TBC1D12: variants seen among roughly 807,000 people sequenced by gnomAD.
The protein encoded by TBC1D12 is TBC1 domain family member 12.
TBC1D12 carries 56 observed loss-of-function variants against 86.7 expected under a neutral mutation model. The ratio of observed to expected loss-of-function variants is 0.65; its 90% CI spans 0.52 to 0.81. The LOEUF (loss-of-function observed/expected upper bound fraction) is 0.81, where lower values mean the gene tolerates loss of function less well. Ranked by LOEUF, TBC1D12 falls within the 30% of genes least tolerant of loss-of-function variation. The probability of loss-of-function intolerance (pLI) is 0.00; values close to 1 mark genes in which losing one functional copy is unlikely to be tolerated. For missense variants in TBC1D12, 1,023 were observed against 1,038.8 expected (o/e 0.98, Z 0.21); for synonymous variants, 421 against 411.7 (o/e 1.02, Z -0.27).
At chr10:94,513,863 T>C (rs1013760402) in intron 9 of TBC1D12, among the ~76,000 whole-genome samples, 4 of 152,128 alleles carry the variant, frequency 2.6e-5, no homozygotes, top group Admixed American at 6.6e-5. Context: ...CTGGCTGATA[T>C]TATGATTTTT....
chr10:94,515,338 T>TTTTTG (rs1392715282), intron 9 of TBC1D12, among the ~76,000 whole-genome samples: 1 of 151,776 alleles, frequency 6.6e-6, no homozygotes, highest in Non-Finnish European at 1.5e-5. Context: ...AGGTTTGGTT[T>TTTTTG]TTTTGTTTTG....
chr10:94,523,329 G>A (rs975558560), intron 11 of TBC1D12, among the ~76,000 whole-genome samples: 1 of 151,442 alleles, frequency 6.6e-6, no homozygotes, highest in Non-Finnish European at 1.5e-5. Context: ...GGTGTTTTAC[G>A]TGGATTATCT....
At chr10:94,517,344 C>G (rs1427353713) in intron 9 of TBC1D12, among the ~76,000 whole-genome samples, 2 of 152,180 alleles carry the variant, frequency 1.3e-5, no homozygotes, top group Non-Finnish European at 2.9e-5. Context: ...TGCCACTGCA[C>G]TCCAGCGTGG....
chr10:94,500,672 A>G (rs1309240906), intron 6 of TBC1D12, among the ~76,000 whole-genome samples: 1 of 152,200 alleles, frequency 6.6e-6, no homozygotes, highest in Non-Finnish European at 1.5e-5. Context: ...CTTCACTTTT[A>G]TACAGAAAAC....
At chr10:94,409,202 A>G (rs1742877815) in intron 1 of TBC1D12, among the ~76,000 whole-genome samples, 1 of 152,082 alleles carries the variant, frequency 6.6e-6, no homozygotes. Flanking sequence ...GAAATCCAGC[A>G]TTGGTTCAGG....
chr10:94,446,557 A>G (rs1360925356), intron 2 of TBC1D12, among the ~76,000 whole-genome samples: 1 of 147,150 alleles, frequency 6.8e-6, no homozygotes, highest in Non-Finnish European at 1.5e-5. Flanking sequence ...CATTTTTTGA[A>G]AAAAAATTTT....
At chr10:94,413,702 A>G (rs1356129723) in intron 1 of TBC1D12, among the ~76,000 whole-genome samples, 1 of 152,022 alleles carries the variant, frequency 6.6e-6, no homozygotes, top group East Asian at 1.9e-4. Context: ...TGAACTTGAT[A>G]AGGTGTTTAA....
intron 1 of TBC1D12, among the ~76,000 whole-genome samples, chr10:94,404,648 CAAAAAAA>C (rs11365857): frequency 8.0e-6 from 1 of 125,748 alleles, no homozygotes; most frequent in Admixed American, 8.3e-5. Context: ...CTCCGTCTTT[CAAAAAAA>C]AAAAAAAAGA....
At position 94,493,382 on chromosome 10, in the gene TBC1D12, C is replaced by G; in HGVS notation, c.1229C>G (p.Ser410Cys). 1.9e-6 allele frequency: 3 copies of G among 1,610,988 alleles called. No homozygotes were observed. Among genetic ancestry groups the G allele is most frequent in the Non-Finnish European group, 2.5e-6 (3 of 1,179,338 alleles). The change falls in exon 4 of 13, where the codon TCT (serine) becomes TGT (cysteine). Residue 410 changes from serine (S) to cysteine (C), a missense_variant. Ser to Cys is a moderately radical substitution (Grantham distance 112). Around this residue, in one of 2 missense-constraint regions of TBC1D12, gnomAD observed 395 missense variants for 507.7 expected, o/e 0.78. Transcript: ENST00000225235. ...TTTTCCAGAAATCTTCCTGCCAAAT[C>G]TGTGGAAGAAGCTTTACGTCACCGA... ...EDRPSNLPAKSVEEALRHRQE... is the reference protein window; with the variant it reads ...EDRPSNLPAKCVEEALRHRQE...
intron 2 of TBC1D12, among the ~76,000 whole-genome samples, chr10:94,469,836 A>G (rs376536364): frequency 3.3e-5 from 5 of 152,086 alleles, no homozygotes; most frequent in East Asian, 1.9e-4. Context: ...CTAACAGCCA[A>G]GCTTCCTTTG....
intron 1 of TBC1D12, among the ~76,000 whole-genome samples, chr10:94,438,795 T>C (rs1167903342): frequency 2.7e-5 from 4 of 147,604 alleles, no homozygotes. Flanking sequence ...TTACTCTTAG[T>C]TTTTTTTTTT....
chr10:94,402,720 C>A lies in TBC1D12; in HGVS notation c.107C>A (p.Thr36Lys). The A allele has an allele frequency of 1.9e-6, 3 of 1,576,110 alleles. No individual in the cohort carries two copies. The highest frequency in any genetic ancestry group is 1.4e-5 in the African/African-American group (1 of 73,990). Residue 36 changes from threonine to lysine, a missense_variant, in exon 1 of 13, where the codon ACG (threonine) becomes AAG (lysine). Thr to Lys is a moderately conservative substitution (Grantham distance 78, BLOSUM62 -1). This residue lies in a region of TBC1D12 where 628 missense variants were observed against 531.1 expected (regional missense o/e 1.18). Transcript: ENST00000225235. ...VGQDRKVIRA[T>K]GGFGGGVGAV... ...CAGGACAGGAAGGTAATCCGGGCCA[C>A]GGGCGGCTTTGGCGGAGGCGTCGGC...
intron 1 of TBC1D12, among the ~76,000 whole-genome samples, chr10:94,429,503 A>C (rs2055188044): frequency 6.6e-6 from 1 of 152,164 alleles, no homozygotes; most frequent in African/African-American, 2.4e-5. Flanking sequence ...AATCCAGAAT[A>C]CTCAAGGGTA....
At chr10:94,403,744 A>G (rs906441036) in intron 1 of TBC1D12, among the ~76,000 whole-genome samples, 160 bp downstream of exon 1, 4 of 152,190 alleles carry the variant, frequency 2.6e-5, no homozygotes, top group Non-Finnish European at 5.9e-5. Context: ...TTGATTTGTC[A>G]CTGGAGGAAG....
intron 2 of TBC1D12, 60 bp downstream of exon 2, chr10:94,442,079 CTTCTTTT>C: frequency 4.6e-6 from 6 of 1,317,260 alleles, no homozygotes; most frequent in Non-Finnish European, 6.0e-6. Context: ...TCTTCTTCTT[CTTCTTTT>C]TTTTTTTTTT....
chr10:94,533,995 T>C lies in TBC1D12; in HGVS notation c.*899T>C, dbSNP rs1842493069. On this transcript the variant is annotated 3_prime_UTR_variant, in exon 13 of 13. Transcript: ENST00000225235. ...CTACTTGGCAAGACTTCATATTTTT[T>C]AGTTACAATTCTTCCACTGTTTAAC... The C allele has an allele frequency of 6.6e-6, 1 of 152,220 alleles. No homozygotes were observed. The highest frequency in any genetic ancestry group is 2.1e-4 in the South Asian group (1 of 4,828). 9.4% of individuals were successfully genotyped at this position (152,220 alleles called of 1,614,324 possible). A position where few individuals can be genotyped will look rare whatever the true frequency, so the allele number is the denominator to read the frequency against.
chr10:94,500,367 A>G (rs1306071935), intron 6 of TBC1D12, 40 bp downstream of exon 6: 1 of 1,551,182 alleles, frequency 6.4e-7, no homozygotes, highest in East Asian at 2.3e-5. Context: ...ATGTACAAAT[A>G]GCCATCTACA....
intron 6 of TBC1D12, among the ~76,000 whole-genome samples, chr10:94,506,622 A>G (rs997128035): frequency 6.6e-6 from 1 of 152,178 alleles, no homozygotes; most frequent in Non-Finnish European, 1.5e-5. Flanking sequence ...GACCCTGCAT[A>G]TGGGAGTGCC....
At chr10:94,410,285 AG>A (rs1349776823) in intron 1 of TBC1D12, among the ~76,000 whole-genome samples, 1 of 152,256 alleles carries the variant, frequency 6.6e-6, no homozygotes, top group Non-Finnish European at 1.5e-5. Flanking sequence ...CACACTATTT[AG>A]GGGCAGTATT....
Sources: gnomAD v4.1 joint callset for allele counts (sites outside exome capture counted in the v4.1 genomes callset) on GRCh38, gnomAD v4.1.1 for gene constraint, gnomAD v4.1.1 regional missense constraint, MANE v1.5 for transcripts, NCBI Gene and HGNC (gene_info 2026-07-23, HGNC 2026-07-21) for gene names.